The following NR5A1 variants were observed in gnomAD, a reference collection of about 807,000 sequenced individuals.
NR5A1 encodes nuclear receptor subfamily 5 group A member 1.
Under a neutral mutation model 42.7 loss-of-function variants are expected in NR5A1, and 6 were observed. The observed-to-expected ratio is 0.14, with a 90% CI of 0.08 to 0.28. The LOEUF is 0.28. NR5A1 is among the 10% of genes least tolerant of loss of function. NR5A1 has a pLI of 1.00. For missense variants in NR5A1, 442 were observed against 626.4 expected, an observed-to-expected ratio of 0.71 and a Z score of 3.14; for synonymous variants, 274 against 277.5, an observed-to-expected ratio of 0.99 and a Z score of 0.12.
Position 124,482,078 on chromosome 9 carries a change from A to C in NR5A1, c.*680T>G, listed in dbSNP as rs1051677419. ...GTACCAAACGTTCTCCTTGGGTGGG[A>C]GAGGGAATCAGTGATGCCTGGAGCA... On this transcript the variant is annotated 3_prime_UTR_variant, in exon 7 of 7. Transcript: ENST00000373588. 1 of 153,352 alleles carries C rather than the reference A, an allele frequency of 6.5e-6. No individual in the cohort carries two copies. Among genetic ancestry groups the C allele is most frequent in the East Asian group, 1.9e-4 (1 of 5,204 alleles). 9.5% of individuals were successfully genotyped at this position (153,352 alleles called of 1,614,324 possible).
Position 124,491,183 on chromosome 9 carries a change from T to C in NR5A1, c.1036A>G (p.Ser346Gly). Residue 346 changes from serine to glycine, a missense_variant, in exon 6 of 7, where the codon AGC (serine) becomes GGC (glycine). Coordinates refer to ENST00000373588, the MANE Select transcript of NR5A1 (RefSeq NM_004959.5). Reference protein sequence around the residue: ...VATQAGSLLHSLVLRAQELVL... With the variant: ...VATQAGSLLHGLVLRAQELVL... ...AGCTCCTGCGCCCGCAACACCAGGC[T>C]GTGCAGCAGCGAGCCCGCCTGGGTG... The C allele has an allele frequency of 6.2e-7, 1 of 1,609,036 alleles. No individual in the cohort carries two copies. Among genetic ancestry groups the C allele is most frequent in the Non-Finnish European group, 8.5e-7 (1 of 1,178,326 alleles).
rs776090926 is a variant in NR5A1, at chr9:124,498,948, G to A, written c.870+1142C>T. 1.3e-5 allele frequency among the ~76,000 whole-genome samples: 2 copies of A among 151,566 alleles called. No individual in the cohort carries two copies. The highest frequency in any genetic ancestry group is 2.9e-5 in the Non-Finnish European group (2 of 67,886). ...GGCAGGCAGTGCCCCCAGCCCATCC[G>A]GCCTCATGCCCCTGGAGGAAGCCCA... On this transcript the variant is annotated intron_variant, in intron 4 of 6. Transcript: ENST00000373588. This position sits in a 1 kb window ranked among gnomAD's most constrained non-coding sequence, Gnocchi z 4.6.
intron 6 of NR5A1, among the ~76,000 whole-genome samples, chr9:124,483,402 C>T (rs760743583): frequency 2.0e-5 from 3 of 152,222 alleles, no homozygotes; most frequent in South Asian, 2.1e-4. Context: ...TTGAACCTCT[C>T]GGTCCCCCAT....
intron 6 of NR5A1, among the ~76,000 whole-genome samples, chr9:124,483,775 C>T (rs1294326580): frequency 6.6e-6 from 1 of 152,234 alleles, no homozygotes; most frequent in African/African-American, 2.4e-5. Context: ...AGTATCCCAT[C>T]TCATGCTGCA....
At position 124,488,986 on chromosome 9, in the gene NR5A1, T is replaced by C. The variant is rs551794698; in HGVS notation, c.1138+2095A>G. ...TGGAAAAAAAGGCTGATGACCAGCA[T>C]GACATGAGGGTGGGGCACTTCCAGT... On this transcript the variant is annotated intron_variant, in intron 6 of 6. Coordinates refer to ENST00000373588, the MANE Select transcript of NR5A1 (RefSeq NM_004959.5). Among the ~76,000 whole-genome samples, 3 of 152,338 alleles carry C rather than the reference T, an allele frequency of 2.0e-5. No individual in the cohort carries two copies. The South Asian group carries it at 6.2e-4, about 32-fold the overall frequency.
Position 124,503,511 on chromosome 9 carries a change from C to A in NR5A1, c.-15-101G>T, listed in dbSNP as rs535442247. 9.4e-4 allele frequency: 902 copies of A among 964,432 alleles called. 15 individuals are homozygous for A. In the South Asian group the frequency reaches 0.015, roughly 16 times the overall value. The allele number at this position is 964,432 out of a possible 1,614,324, so 59.7% of individuals were successfully genotyped here. ...GCTGTCGCCGGCCCGTCGCGTAATC[C>A]CCTCTCTGTGCCCAGGCGCTGCCGC... is the stretch of plus-strand genomic sequence containing the variant. On this transcript the variant is annotated intron_variant, in intron 1 of 6. Transcript: ENST00000373588. This position sits in a 1 kb window ranked among gnomAD's most constrained non-coding sequence, Gnocchi z 9.6.
chr9:124,500,936 C>T lies in NR5A1; in HGVS notation c.245-221G>A, dbSNP rs1318159248. The T allele has an allele frequency of 5.4e-6, 4 of 734,420 alleles. No homozygotes were observed. The Admixed American group carries it at 8.0e-5, about 15-fold the overall frequency. The allele number at this position is 734,420 out of a possible 1,614,324, so 45.5% of individuals were successfully genotyped here. On this transcript the variant is annotated intron_variant, in intron 3 of 6. Transcript: ENST00000373588. The surrounding 1 kb of genome is among the most constrained non-coding windows in gnomAD (Gnocchi z 6.9). ...TGCTAAGACCCCTCTCCTTCCACTC[C>T]ACCGAACTCACCTCCACTCCTCTGT...
intron 6 of NR5A1, 40 bp downstream of exon 6, chr9:124,491,041 C>CCCT: frequency 6.6e-7 from 1 of 1,509,666 alleles, no homozygotes; most frequent in Non-Finnish European, 8.9e-7. Context: ...CCACCCGCCT[C>CCCT]TGGCTGTCTC....
intron 4 of NR5A1, among the ~76,000 whole-genome samples, chr9:124,497,858 C>T (rs941240921): frequency 6.6e-6 from 1 of 152,250 alleles, no homozygotes; most frequent in African/African-American, 2.4e-5. Context: ...ACCTTCTCTA[C>T]TTTCTAGAAA....
intron 6 of NR5A1, among the ~76,000 whole-genome samples, chr9:124,487,645 G>T (rs953172487): frequency 6.6e-6 from 1 of 152,368 alleles, no homozygotes; most frequent in South Asian, 2.1e-4. Context: ...GGGGCAGGTG[G>T]GGGAGCACAA....
rs1458636639 is a variant in NR5A1 at position 124,503,518 on chromosome 9, T to G, written c.-15-108A>C. The G allele has an allele frequency of 2.9e-5, 25 of 870,952 alleles. No individual in the cohort carries two copies. The highest frequency in any genetic ancestry group is 4.0e-5 in the Non-Finnish European group (24 of 599,112). 54.0% of individuals were successfully genotyped at this position (870,952 alleles called of 1,614,324 possible). The stretch of plus-strand genomic sequence containing the variant: ...CCGGCCCGTCGCGTAATCCCCTCTC[T>G]GTGCCCAGGCGCTGCCGCCGGCACC... On this transcript the variant is annotated intron_variant, in intron 1 of 6. Coordinates refer to ENST00000373588, the MANE Select transcript of NR5A1 (RefSeq NM_004959.5). The surrounding 1 kb of genome is among the most constrained non-coding windows in gnomAD (Gnocchi z 9.6).
chr9:124,506,672 G>T (rs538513614), intron 1 of NR5A1, among the ~76,000 whole-genome samples: 1 of 152,048 alleles, frequency 6.6e-6, no homozygotes, highest in African/African-American at 2.4e-5. Context: ...TACTCTCACC[G>T]GCTGGAAGCC....
At position 124,482,928 on chromosome 9, in the gene NR5A1, G is replaced by A. The variant is rs771931838; in HGVS notation, c.1216C>T (p.Leu406=). 1.2e-6 allele frequency: 2 copies of A among 1,614,208 alleles called. No individual in the cohort carries two copies. The highest frequency in any genetic ancestry group is 1.7e-6 in the Non-Finnish European group (2 of 1,180,046). The change falls in exon 7 of 7, where the codon CTG becomes TTG. Residue 406 remains leucine (L), a synonymous_variant. Transcript: ENST00000373588. ...KANAALLDYT[L]CHYPHCGDKF... is the part of the protein sequence containing the mutation. ...TCCCCGCAGTGCGGGTAGTGGCACA[G>A]GGTGTAGTCAAGCAGGGCGGCGTTG...
rs1832500206 is a variant in NR5A1 at position 124,503,493 on chromosome 9, C to G, written c.-15-83G>C. The G allele has an allele frequency of 8.5e-7, 1 of 1,170,494 alleles. No individual in the cohort carries two copies. The highest frequency in any genetic ancestry group is 1.2e-6 in the Non-Finnish European group (1 of 842,008). The allele number at this position is 1,170,494 out of a possible 1,614,324, so 72.5% of individuals were successfully genotyped here. A position where few individuals can be genotyped will look rare whatever the true frequency, so the allele number is the denominator to read the frequency against. ...GCGGCCGCCGCCCCAGCCGCTGTCGCCGGCCCGTCGCGTAATCCCCTCTCT... is the reference window on the plus strand; with the variant it reads ...GCGGCCGCCGCCCCAGCCGCTGTCGGCGGCCCGTCGCGTAATCCCCTCTCT... On this transcript the variant is annotated intron_variant, in intron 1 of 6. Coordinates refer to ENST00000373588, the MANE Select transcript of NR5A1 (RefSeq NM_004959.5). The surrounding 1 kb of genome is among the most constrained non-coding windows in gnomAD (Gnocchi z 9.6).
rs1450409105 is a variant in NR5A1, at chr9:124,481,578, G to A, written c.*1180C>T. On this transcript the variant is annotated 3_prime_UTR_variant, in exon 7 of 7. Transcript: ENST00000373588. The stretch of plus-strand genomic sequence containing the variant: ...CTAGGACAGGGGGTCAGGGAGCTGA[G>A]GGCCAGCTTCATGGGTTTGCAGCAA... 1 of 152,386 alleles carries A rather than the reference G, an allele frequency of 6.6e-6. No homozygotes were observed. The highest frequency in any genetic ancestry group is 2.4e-5 in the African/African-American group (1 of 41,454). The allele number at this position is 152,386 out of a possible 1,614,324, so 9.4% of individuals were successfully genotyped here. A position where few individuals can be genotyped will look rare whatever the true frequency, so the allele number is the denominator to read the frequency against.
At chr9:124,489,691 G>A (rs886879392) in intron 6 of NR5A1, among the ~76,000 whole-genome samples, 1 of 152,058 alleles carries the variant, frequency 6.6e-6, no homozygotes, top group Non-Finnish European at 1.5e-5. Context: ...CTGGGTCCCT[G>A]AGGCTCCTGT....
chr9:124,483,520 G>C (rs1292360690), intron 6 of NR5A1, among the ~76,000 whole-genome samples: 1 of 151,852 alleles, frequency 6.6e-6, no homozygotes, highest in African/African-American at 2.4e-5. Flanking sequence ...CACGTGAGAA[G>C]CTCGGTGGGT....
At chr9:124,495,001 A>C (rs1832369150) in intron 4 of NR5A1, among the ~76,000 whole-genome samples, 1 of 152,206 alleles carries the variant, frequency 6.6e-6, no homozygotes, top group South Asian at 2.1e-4. Flanking sequence ...CTGTGTCCTC[A>C]GGCAGACAGA....
chr9:124,486,416 G>A (rs1400980995), intron 6 of NR5A1, among the ~76,000 whole-genome samples: 2 of 152,186 alleles, frequency 1.3e-5, no homozygotes, highest in Non-Finnish European at 2.9e-5. Flanking sequence ...CACACAAGGT[G>A]CCAGAGCCTG....
Sources: allele counts gnomAD v4.1 joint callset (sites outside exome capture counted in the v4.1 genomes callset), GRCh38; gene constraint gnomAD v4.1.1; non-coding constraint Gnocchi (gnomAD v3.1); transcripts MANE v1.5; gene names NCBI Gene and HGNC (gene_info 2026-07-23, HGNC 2026-07-21).